ITPK1: variants seen among roughly 807,000 people sequenced by gnomAD.
The protein encoded by ITPK1 is inositol 1,3,4-trisphosphate 5/6-kinase.
A neutral mutation model predicts 45.3 loss-of-function variants in ITPK1; 21 were observed. The ratio of observed to expected loss-of-function variants is 0.46; its 90% CI spans 0.33 to 0.67. ITPK1 has a LOEUF of 0.67. Ranked by LOEUF, ITPK1 falls within the 30% of genes least tolerant of loss-of-function variation. The pLI is 0.02. For missense variants in ITPK1, 474 were observed against 573.5 expected (o/e 0.83, Z 1.77); for synonymous variants, 258 against 253.6 (o/e 1.02, Z -0.16).
chr14:93,066,978 T>C (rs571170371), intron 3 of ITPK1, among the ~76,000 whole-genome samples: 7 of 152,248 alleles, frequency 4.6e-5, no homozygotes, highest in Admixed American at 2.0e-4. Flanking sequence ...TGCTGAGGAA[T>C]CCAGTGTTTG....
intron 2 of ITPK1, among the ~76,000 whole-genome samples, chr14:93,084,290 G>A (rs1335657019): frequency 2.0e-5 from 3 of 152,344 alleles, no homozygotes; most frequent in Non-Finnish European, 4.4e-5. Context: ...CCAACTATGG[G>A]CAACTGTGTG....
intron 2 of ITPK1, among the ~76,000 whole-genome samples, chr14:93,101,516 C>A (rs1892319225): frequency 6.6e-6 from 1 of 152,112 alleles, no homozygotes. Context: ...AAATTAAGGC[C>A]CAGAGAGGAG....
At chr14:93,064,269 C>T (rs185200832) in intron 3 of ITPK1, among the ~76,000 whole-genome samples, 8 of 152,088 alleles carry the variant, frequency 5.3e-5, no homozygotes, top group Admixed American at 1.3e-4. Flanking sequence ...GGCGACAGAG[C>T]GAGACTCCAT....
chr14:92,957,037 T>C (rs567500522), intron 8 of ITPK1, among the ~76,000 whole-genome samples: 1 of 152,260 alleles, frequency 6.6e-6, no homozygotes, highest in Non-Finnish European at 1.5e-5. Context: ...GCTCTGCATG[T>C]GTCCATGGAA....
intron 3 of ITPK1, among the ~76,000 whole-genome samples, chr14:93,028,129 T>C (rs1219833432): frequency 6.6e-6 from 1 of 152,158 alleles, no homozygotes; most frequent in Non-Finnish European, 1.5e-5. Flanking sequence ...ACAGGACGCG[T>C]CCTGGCCAAC....
At chr14:92,948,645 A>AT (rs1887796263) in intron 9 of ITPK1, among the ~76,000 whole-genome samples, 1 of 148,988 alleles carries the variant, frequency 6.7e-6, no homozygotes, top group African/African-American at 2.5e-5. Context: ...GTGCACCTGA[A>AT]TTAAAAAAAA....
At chr14:93,067,713 C>T (rs1443347967) in intron 3 of ITPK1, 3 of 152,248 alleles carry the variant, frequency 2.0e-5, no homozygotes, top group Admixed American at 2.0e-4. Flanking sequence ...CATTGGAGAA[C>T]TGCTATGAGC....
intron 2 of ITPK1, among the ~76,000 whole-genome samples, chr14:93,087,496 G>C (rs959589867): frequency 6.6e-6 from 1 of 152,220 alleles, no homozygotes; most frequent in East Asian, 1.9e-4. Flanking sequence ...CTGCACTCCA[G>C]CCTGGGTGAC....
chr14:93,095,850 T>C (rs1313564107), intron 2 of ITPK1, among the ~76,000 whole-genome samples: 7 of 152,104 alleles, frequency 4.6e-5, no homozygotes, highest in Non-Finnish European at 7.3e-5. Context: ...ATGAAACATT[T>C]GGTTTTCTGT....
intron 2 of ITPK1, among the ~76,000 whole-genome samples, chr14:93,096,466 C>T (rs1446688882): frequency 6.6e-6 from 1 of 152,246 alleles, no homozygotes; most frequent in Non-Finnish European, 1.5e-5. Flanking sequence ...CATCACTTGG[C>T]CACATGCACC....
chr14:92,976,185 T>A (rs970704001), intron 5 of ITPK1, among the ~76,000 whole-genome samples: 8 of 152,222 alleles, frequency 5.3e-5, no homozygotes, highest in African/African-American at 1.7e-4. Flanking sequence ...CACCACCAGC[T>A]CTCCTAGGTC....
At position 93,032,291 on chromosome 14, in the gene ITPK1, A is replaced by T. The variant is rs1566746013; in HGVS notation, c.121-15490T>A. On this transcript the variant is annotated intron_variant, in intron 3 of 10. Coordinates refer to ENST00000267615, the MANE Select transcript of ITPK1 (RefSeq NM_014216.6). The surrounding 1 kb of genome is among the most constrained non-coding windows in gnomAD (Gnocchi z 4.0). ...CTTGAACCCAGGAGGCGGAGGTTGC[A>T]GTGAGCCGAGATTACGCCACTGCAC... Among the ~76,000 whole-genome samples the T allele has an allele frequency of 1.3e-5, 2 of 152,268 alleles. No individual in the cohort carries two copies. Among genetic ancestry groups the T allele is most frequent in the East Asian group, 3.9e-4 (2 of 5,184 alleles).
At chr14:93,096,605 G>C (rs1309521149) in intron 2 of ITPK1, among the ~76,000 whole-genome samples, 1 of 152,162 alleles carries the variant, frequency 6.6e-6, no homozygotes, top group Non-Finnish European at 1.5e-5. Context: ...GATGCAATCT[G>C]GAAACAACAC....
Position 93,014,269 on chromosome 14 carries a change from AC to A in ITPK1, c.246+2406del, listed in dbSNP as rs1049253980. 3.3e-5 allele frequency among the ~76,000 whole-genome samples: 5 copies of A among 152,164 alleles called. No homozygotes were observed. The highest frequency in any genetic ancestry group is 1.3e-4 in the Admixed American group (2 of 15,272). On this transcript the variant is annotated intron_variant, in intron 4 of 10. Transcript: ENST00000267615. This position sits in a 1 kb window ranked among gnomAD's most constrained non-coding sequence, Gnocchi z 4.4. ...CAAGGCCCCATGCTGCCCTCCACAC[AC>A]GCTCCCTGTTAATATTGTTTTCTGC...
chr14:93,022,985 G>C (rs1038607307), intron 3 of ITPK1, among the ~76,000 whole-genome samples: 4 of 152,214 alleles, frequency 2.6e-5, no homozygotes, highest in Non-Finnish European at 5.9e-5. Context: ...AGAAAACCCA[G>C]AATATGAAAA....
chr14:93,031,344 T>C (rs1889048754), intron 3 of ITPK1, among the ~76,000 whole-genome samples: 1 of 152,082 alleles, frequency 6.6e-6, no homozygotes, highest in South Asian at 2.1e-4. Flanking sequence ...CAAAAGGCCA[T>C]GAGTGAGGGA....
intron 4 of ITPK1, among the ~76,000 whole-genome samples, chr14:93,000,722 A>T (rs1456227904): frequency 6.6e-6 from 1 of 152,198 alleles, no homozygotes; most frequent in African/African-American, 2.4e-5. Context: ...TGCGCCTGTA[A>T]TCCCAGCACT....
At position 93,101,710 on chromosome 14, in the gene ITPK1, C is replaced by T. The variant is rs144927220; in HGVS notation, c.95+13359G>A. Among the ~76,000 whole-genome samples the T allele has an allele frequency of 5.3e-5, 8 of 152,268 alleles. No homozygotes were observed. In the East Asian group the frequency reaches 1.4e-3, roughly 26 times the overall value. ...CTAAAAATACAAAAAATTAGCTGGG[C>T]GTGGAGGCGTGCGCTTGTGACTCCA... On this transcript the variant is annotated intron_variant, in intron 2 of 10. Transcript: ENST00000267615.
chr14:93,052,025 G>T (rs1044108223), intron 3 of ITPK1, among the ~76,000 whole-genome samples: 1 of 152,186 alleles, frequency 6.6e-6, no homozygotes, highest in African/African-American at 2.4e-5. Context: ...CCAGGGGAGC[G>T]CCTTCATCTC....
Sources: gnomAD v4.1 joint callset for allele counts (sites outside exome capture counted in the v4.1 genomes callset) on GRCh38, gnomAD v4.1.1 for gene constraint, Gnocchi (gnomAD v3.1) non-coding constraint, MANE v1.5 for transcripts, NCBI Gene and HGNC (gene_info 2026-07-23, HGNC 2026-07-21) for gene names.